ODF2: variants seen among roughly 807,000 people sequenced by gnomAD.
ODF2 encodes the protein outer dense fiber protein 2.
ODF2 carries 47 observed loss-of-function variants against 110.2 expected under a neutral mutation model. The ratio of observed to expected loss-of-function variants is 0.43; its 90% CI spans 0.34 to 0.54. ODF2 has a LOEUF of 0.54. Among genes scored for constraint, ODF2 ranks in the 20% least tolerant of loss-of-function variants. The pLI, the probability that ODF2 is intolerant of heterozygous loss-of-function variation, is 0.03. For synonymous variants in ODF2, 352 were observed against 397.7 expected (o/e 0.89, Z 1.37); for missense variants, 812 against 1,054.5 (o/e 0.77, Z 3.19).
intron 13 of ODF2, 44 bp from the exon 14 acceptor site, chr9:128,487,846 T>C: frequency 6.2e-7 from 1 of 1,608,154 alleles, no homozygotes; most frequent in African/African-American, 1.3e-5. Context: ...AACAAACCTG[T>C]GTAATTGATT....
At chr9:128,489,522 G>GC (rs371870885) in intron 14 of ODF2, among the ~76,000 whole-genome samples, 33 of 152,238 alleles carry the variant, frequency 2.2e-4, no homozygotes, top group Middle Eastern at 3.4e-3. Flanking sequence ...CCTGGGCCTG[G>GC]CGTCTACTCT....
chr9:128,497,542 G>C (rs1409345843), intron 18 of ODF2: 1 of 142,726 alleles, frequency 7.0e-6, no homozygotes, highest in African/African-American at 2.6e-5. Flanking sequence ...TACTCGGAAG[G>C]CTGAGGCAGG....
rs1790572799 is a variant in ODF2, at chr9:128,492,417, C to T, written c.1537-9C>T. The T allele has an allele frequency of 6.2e-7, 1 of 1,604,300 alleles. No homozygotes were observed. On this transcript the variant is annotated splice_polypyrimidine_tract_variant and intron_variant, in intron 14 of 20. Coordinates refer to ENST00000604420, the Ensembl canonical transcript of ODF2. ...TTCCTGTGGGTTACTCATGAGCCAT[C>T]CCTTCCAGGCCAGCTTTGCTCCAAT...
chr9:128,488,125 G>A, intron 14 of ODF2, 100 bp downstream of exon 14: 1 of 1,403,348 alleles, frequency 7.1e-7, no homozygotes, highest in Non-Finnish European at 9.8e-7. Flanking sequence ...GACTAAGAGG[G>A]AGTCAGAAAA....
intron 20 of ODF2, among the ~76,000 whole-genome samples, chr9:128,499,674 G>C (rs1846240706): frequency 6.6e-6 from 1 of 152,084 alleles, no homozygotes. Context: ...CAGTGGTGCT[G>C]TCATAGCTCA....
Position 128,494,391 on chromosome 9 carries a change from C to T in ODF2, c.1753-119C>T. 2.4e-6 allele frequency: 2 copies of T among 843,980 alleles called. No individual in the cohort carries two copies. The highest frequency in any genetic ancestry group is 1.7e-5 in the African/African-American group (1 of 58,534). The allele number at this position is 843,980 out of a possible 1,614,324, so 52.3% of individuals were successfully genotyped here. On this transcript the variant is annotated intron_variant, in intron 16 of 20. Coordinates refer to ENST00000604420, the Ensembl canonical transcript of ODF2. The surrounding 1 kb of genome is among the most constrained non-coding windows in gnomAD (Gnocchi z 4.6). ...CTGCTGTGGATTTTGCAGGATCCTCCACTGGGGACTGTGTCAGCCCTGCCC... is the reference window on the plus strand; with the variant it reads ...CTGCTGTGGATTTTGCAGGATCCTCTACTGGGGACTGTGTCAGCCCTGCCC...
chr9:128,496,390 CT>C, intron 18 of ODF2: 1 of 1,325,216 alleles, frequency 7.5e-7, no homozygotes, highest in Non-Finnish European at 9.9e-7. Flanking sequence ...TAGGCACCAC[CT>C]GTCCCAAAAG....
intron 4 of ODF2, among the ~76,000 whole-genome samples, chr9:128,462,123 A>G (rs528133698): frequency 1.3e-5 from 2 of 152,242 alleles, no homozygotes; most frequent in African/African-American, 4.8e-5. Context: ...TCCTGCCAGC[A>G]AGCATATGGG....
At position 128,483,877 on chromosome 9, in the gene ODF2, C is replaced by T. The variant is rs528639510; in HGVS notation, c.988-61C>T. ...CTCCAGCCTGGGAAACGGAGCAAGACTCCGTATGAAAAAAACAAACAAAAA... is the reference window on the plus strand; with the variant it reads ...CTCCAGCCTGGGAAACGGAGCAAGATTCCGTATGAAAAAAACAAACAAAAA... On this transcript the variant is annotated intron_variant, in intron 10 of 20. Coordinates refer to ENST00000604420, the Ensembl canonical transcript of ODF2. The T allele has an allele frequency of 6.8e-6, 8 of 1,168,770 alleles. No individual in the cohort carries two copies. In the African/African-American group the frequency reaches 1.2e-4, roughly 18 times the overall value. 72.4% of individuals were successfully genotyped at this position (1,168,770 alleles called of 1,614,324 possible).
At chr9:128,460,468 A>G (rs1372326697) in intron 3 of ODF2, 82 bp from the exon 3 acceptor site, 1 of 1,565,964 alleles carries the variant, frequency 6.4e-7, no homozygotes. Context: ...GGTGGCCCCC[A>G]GAGGCTGTGA....
chr9:128,477,166 G>C (rs1298485638), intron 8 of ODF2, among the ~76,000 whole-genome samples: 2 of 149,484 alleles, frequency 1.3e-5, no homozygotes, highest in Non-Finnish European at 3.0e-5. Context: ...CAGGAGGGGG[G>C]AAGTTGCAGT....
chr9:128,471,577 C>T lies in ODF2; in HGVS notation c.581+109C>T, dbSNP rs1264915911. ...GTAGGAGGTGGGCACAGGCACTGTG[C>T]CTGTGCCCTGGAGCCTGTTCAACAG... On this transcript the variant is annotated intron_variant, in intron 6 of 20. Transcript: ENST00000604420. The T allele has an allele frequency of 1.7e-5, 16 of 961,078 alleles. No individual in the cohort carries two copies. In the East Asian group the frequency reaches 2.5e-4, roughly 15 times the overall value. The allele number at this position is 961,078 out of a possible 1,614,324, so 59.5% of individuals were successfully genotyped here.
chr9:128,470,201 T>TA (rs527563371), intron 5 of ODF2, among the ~76,000 whole-genome samples: 7 of 149,930 alleles, frequency 4.7e-5, no homozygotes, highest in Non-Finnish European at 1.0e-4. Context: ...GAGTTGTCAT[T>TA]AAAATCCAGG....
At chr9:128,477,662 G>A (rs1231709567) in intron 8 of ODF2, among the ~76,000 whole-genome samples, 1 of 150,928 alleles carries the variant, frequency 6.6e-6, no homozygotes, top group Non-Finnish European at 1.5e-5. Context: ...CTGGAGTGCA[G>A]TGGCGCAATC....
intron 3 of ODF2, 126 bp downstream of exon 3, chr9:128,460,792 T>C (rs2131485480): frequency 6.6e-7 from 1 of 1,519,514 alleles, no homozygotes; most frequent in Middle Eastern, 1.8e-4. Context: ...GCCGGTTTCC[T>C]GGTTAGAAGG....
At chr9:128,488,051 G>A (rs1264185329) in intron 14 of ODF2, 26 bp downstream of exon 14, 1 of 1,612,748 alleles carries the variant, frequency 6.2e-7, no homozygotes, top group South Asian at 1.1e-5. Flanking sequence ...TGGGGACCAG[G>A]CAGCTGGATG....
chr9:128,498,719 G>C, intron 19 of ODF2, 144 bp downstream of exon 19: 1 of 646,282 alleles, frequency 1.5e-6, no homozygotes. Flanking sequence ...TCATCGTAGA[G>C]GGCTCAGCAC....
chr9:128,492,918 G>T, intron 16 of ODF2, 113 bp downstream of exon 16: 2 of 836,222 alleles, frequency 2.4e-6, no homozygotes, highest in South Asian at 1.7e-5. Flanking sequence ...GGCAACAAAG[G>T]TGAGCTCATT....
At chr9:128,495,879 C>G (rs1368001530) in intron 17 of ODF2, among the ~76,000 whole-genome samples, 162 bp from the exon 18 acceptor site, 1 of 152,126 alleles carries the variant, frequency 6.6e-6, no homozygotes, top group East Asian at 1.9e-4. Context: ...TGGGCCTAAC[C>G]TGTCCCTGCT....
Sources: allele counts gnomAD v4.1 joint callset (sites outside exome capture counted in the v4.1 genomes callset), GRCh38; gene constraint gnomAD v4.1.1; non-coding constraint Gnocchi (gnomAD v3.1); transcripts MANE v1.5; gene names NCBI Gene and HGNC (gene_info 2026-07-23, HGNC 2026-07-21).